Variants in ADPRHL1 observed in about 807,000 individuals in gnomAD.
The protein encoded by ADPRHL1 is inactive ADP-ribosyltransferase ARH2.
A neutral mutation model predicts 44.1 loss-of-function variants in ADPRHL1; 43 were observed. The ratio of observed to expected loss-of-function variants is 0.98; its 90% CI spans 0.76 to 1.26. The LOEUF (loss-of-function observed/expected upper bound fraction) is 1.26. Among genes scored for constraint, ADPRHL1 ranks in the 50% most tolerant of loss-of-function variants. ADPRHL1 has a pLI of 0.00. For synonymous variants in ADPRHL1, 878 were observed against 1,017.4 expected (o/e 0.86, Z 2.61); for missense variants, 2,022 against 2,496.9 (o/e 0.81, Z 4.05).
At chr13:113,433,254 C>A (rs1322498788) in intron 3 of ADPRHL1, among the ~76,000 whole-genome samples, 2 of 152,168 alleles carry the variant, frequency 1.3e-5, no homozygotes, top group East Asian at 1.9e-4. Context: ...GGTGGTGGGG[C>A]CAACCCAGGG....
intron 5 of ADPRHL1, among the ~76,000 whole-genome samples, chr13:113,424,661 C>CCAGCCATCTCACCCATTCACCCATCCACT: frequency 1.2e-4 from 1 of 8,592 alleles, no homozygotes; most frequent in Admixed American, 1.2e-3. Flanking sequence ...AGCCACCCAC[C>CCAGCCATCTCACCCATTCACCCATCCACT]CATCCATTCA....
rs181164033 is a variant in ADPRHL1 at position 113,417,125 on chromosome 13, G to A, written c.1061+5701C>T. Among the ~76,000 whole-genome samples, 95 of 152,332 alleles carry A rather than the reference G, an allele frequency of 6.2e-4. 1 individual carries two copies. The highest frequency in any genetic ancestry group is 2.1e-3 in the African/African-American group (87 of 41,582). ...AGCACAGACGGCTGCTGGGAGAGGC[G>A]ATGCTTTGCGGAACCCCGGATGCAC... On this transcript the variant is annotated intron_variant, in intron 7 of 7. Coordinates refer to ENST00000612156, the MANE Select transcript of ADPRHL1 (RefSeq NM_001394807.1).
intron 4 of ADPRHL1, 125 bp downstream of exon 4, chr13:113,428,827 C>T: frequency 6.9e-7 from 1 of 1,445,984 alleles, no homozygotes; most frequent in Non-Finnish European, 9.3e-7. Context: ...CTCACATGGC[C>T]CGGACAGGGC....
chr13:113,444,565 T>A lies in ADPRHL1; in HGVS notation c.239A>T (p.Tyr80Phe). 1 of 1,614,128 alleles carries A rather than the reference T, an allele frequency of 6.2e-7. No individual in the cohort carries two copies. Among genetic ancestry groups the A allele is most frequent in the Non-Finnish European group, 8.5e-7 (1 of 1,180,022 alleles). Reference protein sequence around the residue: ...TTDYWCLDDLYREMVRCYVEI... With the variant: ...TTDYWCLDDLFREMVRCYVEI... ...CACATAGCATCTCACCATCTCCCGG[T>A]ACAGATCATCCAGGCACCAGTAGTC... The change falls in exon 2 of 8, where the codon TAC becomes TTC. Residue 80 changes from tyrosine to phenylalanine, a missense_variant. Tyr to Phe is a conservative substitution (Grantham distance 22). Transcript: ENST00000612156.
chr13:113,419,423 CA>C (rs1215884614), intron 7 of ADPRHL1, among the ~76,000 whole-genome samples: 1 of 151,476 alleles, frequency 6.6e-6, no homozygotes, highest in African/African-American at 2.4e-5. Flanking sequence ...CACCTTATTT[CA>C]TAAGAATGTC....
intron 7 of ADPRHL1, among the ~76,000 whole-genome samples, chr13:113,419,235 G>C (rs1304757115): frequency 2.0e-5 from 3 of 146,554 alleles, no homozygotes; most frequent in Admixed American, 6.9e-5. Flanking sequence ...GTCTCCCAAG[G>C]AGCTGGGACT....
chr13:113,412,761 C>T (rs954920598), intron 7 of ADPRHL1, among the ~76,000 whole-genome samples: 4 of 149,494 alleles, frequency 2.7e-5, no homozygotes, highest in Non-Finnish European at 4.5e-5. Flanking sequence ...TCGGTTCACC[C>T]ACCGCCAACA....
rs531474210 is a variant in ADPRHL1, at chr13:113,431,685, G to A, written c.505+2057C>T. On this transcript the variant is annotated intron_variant, in intron 3 of 7. Coordinates refer to ENST00000612156, the MANE Select transcript of ADPRHL1 (RefSeq NM_001394807.1). The stretch of plus-strand genomic sequence containing the variant: ...TAAAACATTTTTGGTCATTATCATA[G>A]AATATATAAATTATTCATCTATTAA... Among the ~76,000 whole-genome samples, 33 of 152,328 alleles carry A rather than the reference G, an allele frequency of 2.2e-4. No individual in the cohort carries two copies. The South Asian group carries it at 6.8e-3, about 32-fold the overall frequency.
At chr13:113,418,181 C>T (rs903278654) in intron 7 of ADPRHL1, among the ~76,000 whole-genome samples, 1 of 152,146 alleles carries the variant, frequency 6.6e-6, no homozygotes, top group South Asian at 2.1e-4. Flanking sequence ...TACTCAGACC[C>T]CCTGAATCTT....
intron 4 of ADPRHL1, among the ~76,000 whole-genome samples, chr13:113,427,481 G>A (rs979737534): frequency 6.6e-5 from 10 of 152,046 alleles, no homozygotes; most frequent in African/African-American, 1.7e-4. Context: ...CACCTGCCTC[G>A]GCCTCCCAAA....
At chr13:113,440,247 G>C (rs970996224) in intron 2 of ADPRHL1, among the ~76,000 whole-genome samples, 1 of 152,134 alleles carries the variant, frequency 6.6e-6, no homozygotes, top group Non-Finnish European at 1.5e-5. Flanking sequence ...AGCATTGTCA[G>C]TTTTTGCTTC....
At chr13:113,438,983 G>A (rs1193547113) in intron 2 of ADPRHL1, among the ~76,000 whole-genome samples, 1 of 152,198 alleles carries the variant, frequency 6.6e-6, no homozygotes, top group Non-Finnish European at 1.5e-5. Flanking sequence ...GTTTCCTGGA[G>A]AGCAGAAAAA....
At chr13:113,449,274 G>T (rs1376645586) in intron 1 of ADPRHL1, 1 of 946,818 alleles carries the variant, frequency 1.1e-6, no homozygotes, top group Non-Finnish European at 1.3e-6. Flanking sequence ...GGGAAGGAGG[G>T]ACCCTGTTCA....
chr13:113,428,736 G>C (rs925865009), intron 4 of ADPRHL1, among the ~76,000 whole-genome samples: 3 of 152,256 alleles, frequency 2.0e-5, no homozygotes, highest in Non-Finnish European at 2.9e-5. Context: ...GGCTCCGGGT[G>C]GGGAGGCAAA....
In ADPRHL1 at chr13:113,405,214, A is replaced by T; in HGVS notation, c.4068T>A (p.Ser1356Arg). ...AGDTQAKLRA[S>R]VPEPRTQAGE... ...CTGCCTGCGTCCTAGGCTCGGGGAC[A>T]CTGGCCCGGAGCTTTGCCTGTGTGT... The change falls in exon 8 of 8, where the codon AGT becomes AGA. Residue 1356 changes from serine to arginine, a missense_variant. By Grantham distance (110) the Ser-to-Arg change is moderately radical (BLOSUM62 -1). Transcript: ENST00000612156. The T allele has an allele frequency of 8.1e-7, 1 of 1,231,870 alleles. No homozygotes were observed. The highest frequency in any genetic ancestry group is 4.1e-5 in the South Asian group (1 of 24,324). The allele number at this position is 1,231,870 out of a possible 1,614,324, so 76.3% of individuals were successfully genotyped here. A position where few individuals can be genotyped will look rare whatever the true frequency, so the allele number is the denominator to read the frequency against.
intron 5 of ADPRHL1, among the ~76,000 whole-genome samples, chr13:113,424,804 C>T (rs2043954775): frequency 2.6e-4 from 2 of 7,750 alleles, no homozygotes; most frequent in African/African-American, 4.6e-4. Flanking sequence ...ACCCACCCAC[C>T]CACCCATGCA....
intron 4 of ADPRHL1, among the ~76,000 whole-genome samples, chr13:113,427,837 CCT>C (rs1311106416): frequency 1.3e-5 from 2 of 152,068 alleles, no homozygotes; most frequent in East Asian, 3.9e-4. Flanking sequence ...CTGAGCAGCC[CCT>C]GAGCTGCGTC....
At chr13:113,443,615 T>C (rs935854171) in intron 2 of ADPRHL1, among the ~76,000 whole-genome samples, 4 of 151,464 alleles carry the variant, frequency 2.6e-5, no homozygotes, top group African/African-American at 9.7e-5. Flanking sequence ...TGAGACCCTG[T>C]CTACAAAATA....
Position 113,409,901 on chromosome 13 carries a change from A to G in ADPRHL1, c.1062-1681T>C, listed in dbSNP as rs1363730361. ...GAGACTCCGTCTCAAAAAAAAAAAAAAAAAAAAGGAAGAAGCTGAGCAGGC... is the reference window on the plus strand; with the variant it reads ...GAGACTCCGTCTCAAAAAAAAAAAAGAAAAAAAGGAAGAAGCTGAGCAGGC... On this transcript the variant is annotated intron_variant, in intron 7 of 7. Transcript: ENST00000612156. This position sits in a 1 kb window ranked among gnomAD's most constrained non-coding sequence, Gnocchi z 4.2. 1.0e-6 allele frequency: 1 copy of G among 982,842 alleles called. No individual in the cohort carries two copies. The highest frequency in any genetic ancestry group is 1.7e-5 in the African/African-American group (1 of 57,164). The allele number at this position is 982,842 out of a possible 1,614,324, so 60.9% of individuals were successfully genotyped here. A position where few individuals can be genotyped will look rare whatever the true frequency, so the allele number is the denominator to read the frequency against.
Sources: gnomAD v4.1 joint callset for allele counts (sites outside exome capture counted in the v4.1 genomes callset) on GRCh38, gnomAD v4.1.1 for gene constraint, Gnocchi (gnomAD v3.1) non-coding constraint, MANE v1.5 for transcripts, NCBI Gene and HGNC (gene_info 2026-07-23, HGNC 2026-07-21) for gene names.